Variants in BBS9 observed in about 807,000 individuals in gnomAD.
BBS9 encodes the protein Bardet-Biedl syndrome 9.
Under a neutral mutation model 117.7 loss-of-function variants are expected in BBS9, and 89 were observed. That is an observed-to-expected ratio of 0.76 (90% CI 0.64 to 0.90). The LOEUF (loss-of-function observed/expected upper bound fraction) is 0.90, where lower values mean the gene tolerates loss of function less well. Among genes scored for constraint, BBS9 ranks in the 40% least tolerant of loss-of-function variants. The pLI is 0.00. For synonymous variants in BBS9, 379 were observed against 370.9 expected (o/e 1.02, Z -0.25); for missense variants, 982 against 1,042.2 (o/e 0.94, Z 0.80).
chr7:33,325,062 T>C (rs1447140290), intron 9 of BBS9, among the ~76,000 whole-genome samples: 1 of 152,228 alleles, frequency 6.6e-6, no homozygotes, highest in Admixed American at 6.5e-5. Flanking sequence ...TGAATAAACT[T>C]TCTACCTCTA....
intron 17 of BBS9, among the ~76,000 whole-genome samples, chr7:33,369,441 C>T (rs1822444631): frequency 6.6e-6 from 1 of 152,126 alleles, no homozygotes; most frequent in Non-Finnish European, 1.5e-5. Context: ...TAAATTTTAC[C>T]AAAAATCAAT....
intron 9 of BBS9, among the ~76,000 whole-genome samples, chr7:33,306,312 A>ATCTATATGT (rs1807941130): frequency 1.3e-5 from 2 of 152,032 alleles, no homozygotes; most frequent in South Asian, 4.1e-4. Context: ...GTGACTTAAC[A>ATCTATATGT]TATAGATGTT....
chr7:33,549,965 A>G (rs1001914241), intron 21 of BBS9, among the ~76,000 whole-genome samples: 1 of 152,224 alleles, frequency 6.6e-6, no homozygotes, highest in African/African-American at 2.4e-5. Context: ...TTTGTCTTCA[A>G]ATATGAGGAT....
chr7:33,167,524 T>C (rs942664229), intron 4 of BBS9, among the ~76,000 whole-genome samples: 9 of 151,218 alleles, frequency 6.0e-5, no homozygotes, highest in African/African-American at 2.2e-4. Context: ...TGCCTCAGCC[T>C]CCTGGGTGGC....
intron 21 of BBS9, among the ~76,000 whole-genome samples, chr7:33,598,819 T>C (rs537148051): frequency 3.9e-5 from 6 of 152,298 alleles, no homozygotes; most frequent in Middle Eastern, 6.8e-3. Flanking sequence ...TAAATGCCTC[T>C]AGGAAGTTTG....
At chr7:33,601,559 TG>T (rs1413525112) in intron 21 of BBS9, among the ~76,000 whole-genome samples, 4 of 152,182 alleles carry the variant, frequency 2.6e-5, no homozygotes, top group African/African-American at 7.2e-5. Context: ...ACTCATCTGT[TG>T]TTTCTTAGCA....
At chr7:33,428,875 T>C (rs756834295) in intron 19 of BBS9, among the ~76,000 whole-genome samples, 18 of 152,226 alleles carry the variant, frequency 1.2e-4, no homozygotes, top group Non-Finnish European at 2.4e-4. Flanking sequence ...TAGAAATTTT[T>C]TGACATTGGT....
At position 33,631,641 on chromosome 7, in the gene BBS9, T is replaced by C. The variant is rs527691407; in HGVS notation, c.2522-3536T>C. 9.2e-5 allele frequency among the ~76,000 whole-genome samples: 14 copies of C among 152,316 alleles called. No individual in the cohort carries two copies. The East Asian group carries it at 2.5e-3, about 27-fold the overall frequency. On this transcript the variant is annotated intron_variant, in intron 21 of 21. Coordinates refer to the BBS9 transcript ENST00000671952. ...AGGCCCTCCCAGTGGTGGCCCAGAC[T>C]CATCCAGTAGCAGTGCAGGGGCCCC...
chr7:33,345,575 TAA>T (rs1817442411), intron 12 of BBS9, among the ~76,000 whole-genome samples: 1 of 152,206 alleles, frequency 6.6e-6, no homozygotes, highest in Admixed American at 6.5e-5. Flanking sequence ...TTTCCTAAGC[TAA>T]GTTTTTTGGA....
At chr7:33,542,381 C>A (rs975724990) in intron 21 of BBS9, among the ~76,000 whole-genome samples, 5 of 152,174 alleles carry the variant, frequency 3.3e-5, no homozygotes, top group African/African-American at 1.2e-4. Context: ...CCGCACCCAG[C>A]CCATGAGTAA....
At chr7:33,625,329 G>T (rs967660994) in intron 21 of BBS9, among the ~76,000 whole-genome samples, 1 of 152,012 alleles carries the variant, frequency 6.6e-6, no homozygotes, top group Non-Finnish European at 1.5e-5. Flanking sequence ...CTATGTTCCA[G>T]GCCCTGAATT....
intron 19 of BBS9, among the ~76,000 whole-genome samples, chr7:33,469,448 A>G (rs1840665540): frequency 6.6e-6 from 1 of 152,170 alleles, no homozygotes; most frequent in South Asian, 2.1e-4. Flanking sequence ...TGTGGAATAT[A>G]CTGTAATATT....
At chr7:33,573,334 A>C (rs1026395244) in intron 21 of BBS9, among the ~76,000 whole-genome samples, 2 of 152,100 alleles carry the variant, frequency 1.3e-5, no homozygotes, top group African/African-American at 4.8e-5. Context: ...ACGTACGAAG[A>C]AGTAAATGTT....
At chr7:33,347,050 C>A (rs934637977) in intron 12 of BBS9, among the ~76,000 whole-genome samples, 1 of 152,112 alleles carries the variant, frequency 6.6e-6, no homozygotes, top group Non-Finnish European at 1.5e-5. Context: ...AGGATTCTGG[C>A]AGATAGCAGT....
chr7:33,185,420 G>T lies in BBS9; in HGVS notation c.442+7829G>T, dbSNP rs539963437. Among the ~76,000 whole-genome samples the T allele has an allele frequency of 3.3e-5, 5 of 152,240 alleles. No homozygotes were observed. The East Asian group carries it at 9.6e-4, about 29-fold the overall frequency. On this transcript the variant is annotated intron_variant, in intron 5 of 22. Coordinates refer to ENST00000242067, the MANE Select transcript of BBS9 (RefSeq NM_198428.3). ...CTGATTATTTCCTTAGGATAGAGTGGAGAGGTTGAGTTATTAAGTCAGACA... is the reference window on the plus strand; with the variant it reads ...CTGATTATTTCCTTAGGATAGAGTGTAGAGGTTGAGTTATTAAGTCAGACA...
intron 21 of BBS9, among the ~76,000 whole-genome samples, chr7:33,597,533 G>A (rs1326147185): frequency 2.0e-5 from 3 of 152,058 alleles, no homozygotes; most frequent in African/African-American, 4.8e-5. Flanking sequence ...TATTACAAAG[G>A]TCACTATTGC....
chr7:33,542,405 G>T (rs544544442), intron 21 of BBS9, among the ~76,000 whole-genome samples: 3 of 152,192 alleles, frequency 2.0e-5, no homozygotes, highest in African/African-American at 7.2e-5. Flanking sequence ...ATTTAGTGGT[G>T]ATTTGTGAGA....
At chr7:33,202,556 G>C (rs1167509602) in intron 5 of BBS9, among the ~76,000 whole-genome samples, 14 of 152,142 alleles carry the variant, frequency 9.2e-5, no homozygotes, top group Admixed American at 9.2e-4. Flanking sequence ...AGCATGGCTG[G>C]GTAGGCCTCA....
At chr7:33,540,182 G>C (rs773224872) in intron 21 of BBS9, among the ~76,000 whole-genome samples, 1 of 152,156 alleles carries the variant, frequency 6.6e-6, no homozygotes, top group Non-Finnish European at 1.5e-5. Flanking sequence ...AATGAGGAGA[G>C]GACAAGAATT....
Sources: gnomAD v4.1 joint callset for allele counts (sites outside exome capture counted in the v4.1 genomes callset) on GRCh38, gnomAD v4.1.1 for gene constraint, MANE v1.5 for transcripts, NCBI Gene and HGNC (gene_info 2026-07-23, HGNC 2026-07-21) for gene names.